The following DNAH17 variants were observed in gnomAD, a reference collection of about 807,000 sequenced individuals.
The protein encoded by DNAH17 is axonemal beta dynein heavy chain 17.
Under a neutral mutation model 485.6 loss-of-function variants are expected in DNAH17, and 376 were observed. The ratio of observed to expected loss-of-function variants is 0.77; its 90% confidence interval spans 0.71 to 0.84. DNAH17 has a LOEUF of 0.84. Among genes scored for constraint, DNAH17 ranks in the 40% least tolerant of loss-of-function variants. The probability of loss-of-function intolerance (pLI) is 0.00; values close to 1 mark genes in which losing one functional copy is unlikely to be tolerated. For synonymous variants in DNAH17, 3,031 were observed against 2,405.9 expected (o/e 1.26, Z -7.60); for missense variants, 6,370 against 5,839.3 (o/e 1.09, Z -2.96).
At chr17:78,493,727 G>A (rs2089957053) in intron 41 of DNAH17, among the ~76,000 whole-genome samples, 1 of 152,252 alleles carries the variant, frequency 6.6e-6, no homozygotes. Flanking sequence ...TGACAGGAGG[G>A]CGATGGGTTG....
chr17:78,428,840 C>T, intron 76 of DNAH17, 133 bp from the exon 77 acceptor site: 1 of 1,182,022 alleles, frequency 8.5e-7, no homozygotes, highest in Non-Finnish European at 1.2e-6. Context: ...TGTTTCCCAG[C>T]CCCCTTTGTG....
At position 78,449,485 on chromosome 17, in the gene DNAH17, C is replaced by T. The variant is rs151093068; in HGVS notation, c.11140G>A (p.Val3714Ile). The change falls in exon 69 of 81, where the codon GTC becomes ATC. Residue 3714 changes from valine to isoleucine, a missense_variant. Coordinates refer to ENST00000389840, the MANE Select transcript of DNAH17 (RefSeq NM_173628.4). ...INLTDEITYS[V>I]YMYTARGLFE... is the part of the protein sequence containing the mutation. ...AGTCCCCGGGCCGTGTACATGTAGA[C>T]GGAGTAGGTGATCTCGTCCGTCAGG... The T allele has an allele frequency of 1.9e-5, 30 of 1,571,788 alleles. No individual in the cohort carries two copies. Among genetic ancestry groups the T allele is most frequent in the South Asian group, 1.3e-4 (11 of 85,550 alleles).
intron 60 of DNAH17, 129 bp from the exon 61 acceptor site, chr17:78,459,337 G>A (rs1859398282): frequency 3.3e-6 from 3 of 915,218 alleles, no homozygotes; most frequent in Non-Finnish European, 5.2e-6. Flanking sequence ...CACACAGTCA[G>A]GCTGGCCCTA....
intron 77 of DNAH17, 39 bp downstream of exon 77, chr17:78,428,486 C>T (rs1236877016): frequency 1.3e-6 from 2 of 1,557,190 alleles, no homozygotes; most frequent in East Asian, 2.4e-5. Context: ...CTAGATCCTC[C>T]CCCTTCCTCT....
At chr17:78,500,602 G>C (rs1374782475) in intron 35 of DNAH17, 141 bp from the exon 36 acceptor site, 15 of 756,946 alleles carry the variant, frequency 2.0e-5, no homozygotes. Context: ...TCTGCCTCCT[G>C]GGTTCAAATG....
rs747239210 is a variant in DNAH17, at chr17:78,480,790, A to AG, written c.7650-5dup. ...CGTCAGCTTATGTCTGTCATACCTG[A>AG]GGGGGGAAACCAGCATTCATGTTGT... On this transcript the variant is annotated splice_region_variant and splice_polypyrimidine_tract_variant and intron_variant, in intron 48 of 80. Coordinates refer to ENST00000389840, the MANE Select transcript of DNAH17 (RefSeq NM_173628.4). The AG allele has an allele frequency of 6.8e-6, 11 of 1,609,038 alleles. No homozygotes were observed. The Admixed American group carries it at 8.4e-5, about 12-fold the overall frequency.
intron 31 of DNAH17, among the ~76,000 whole-genome samples, chr17:78,504,829 G>A (rs1283861844): frequency 6.7e-6 from 1 of 149,434 alleles, no homozygotes; most frequent in Non-Finnish European, 1.5e-5. Context: ...TCAGAGATGT[G>A]CAACCCCTTT....
In DNAH17 at chr17:78,454,567, G is replaced by A. The variant is rs763820523; in HGVS notation, c.10309C>T (p.Arg3437Trp). The change falls in exon 64 of 81, where the codon CGG becomes TGG. Residue 3437 changes from arginine to tryptophan, a missense_variant. By Grantham distance (101) the Arg-to-Trp change is moderately radical (BLOSUM62 -3). Coordinates refer to ENST00000389840, the MANE Select transcript of DNAH17 (RefSeq NM_173628.4). ...ENATILGNTE[R>W]WPLIVDAQLQ... ...TGGGCGTCCACGATCAGCGGCCACCGCTCGGTGTTGCCCAGGATGGTGGCA... is the reference window on the plus strand; with the variant it reads ...TGGGCGTCCACGATCAGCGGCCACCACTCGGTGTTGCCCAGGATGGTGGCA... 2.5e-6 allele frequency: 4 copies of A among 1,612,932 alleles called. No individual in the cohort carries two copies. Among genetic ancestry groups the A allele is most frequent in the Admixed American group, 1.7e-5 (1 of 59,960 alleles).
Position 78,494,695 on chromosome 17 carries a change from G to A in DNAH17, c.6168C>T (p.Ile2056=). ...VLMRALRDFN[I]PKIVTDDLPV... ...GCAGGTCGTCTGTCACAATCTTGGGGATGTTGAAGTCTCTCAGCGCCCGCA... is the reference window on the plus strand; with the variant it reads ...GCAGGTCGTCTGTCACAATCTTGGGAATGTTGAAGTCTCTCAGCGCCCGCA... The change falls in exon 40 of 81, where the codon ATC becomes ATT. Residue 2056 remains isoleucine, a synonymous_variant. Coordinates refer to ENST00000389840, the MANE Select transcript of DNAH17 (RefSeq NM_173628.4). The A allele has an allele frequency of 6.2e-7, 1 of 1,613,952 alleles. No homozygotes were observed. Among genetic ancestry groups the A allele is most frequent in the Non-Finnish European group, 8.5e-7 (1 of 1,179,898 alleles).
At chr17:78,487,970 TA>T (rs2146657178) in intron 44 of DNAH17, among the ~76,000 whole-genome samples, 2 of 152,350 alleles carry the variant, frequency 1.3e-5, no homozygotes, top group Admixed American at 1.3e-4. Flanking sequence ...TCTATGTCCC[TA>T]AGCGAATCAG....
intron 16 of DNAH17, among the ~76,000 whole-genome samples, chr17:78,547,317 A>G (rs2143522998): frequency 6.6e-6 from 1 of 152,304 alleles, no homozygotes; most frequent in Admixed American, 6.5e-5. Flanking sequence ...TTACTGCTGC[A>G]TTCACAGATA....
chr17:78,453,316 C>T (rs565631465), intron 65 of DNAH17, 27 bp downstream of exon 65: 7 of 1,609,648 alleles, frequency 4.3e-6, no homozygotes, highest in South Asian at 2.2e-5. Flanking sequence ...TTACCTGGCT[C>T]AAGCCACGGA....
In DNAH17 at chr17:78,526,915, C is replaced by A; in HGVS notation, c.3589G>T (p.Val1197Phe). 6.3e-7 allele frequency: 1 copy of A among 1,583,466 alleles called. No individual in the cohort carries two copies. The highest frequency in any genetic ancestry group is 8.6e-7 in the Non-Finnish European group (1 of 1,164,474). The part of the protein sequence containing the change: ...LTVAPLQANE[V>F]SILRRKCQQF... ...TGGCATTTCCGCCGCAGGATGCTGA[C>A]CTCGTTGGCCTGGAGTGGTGCCACG... Residue 1197 changes from valine (V) to phenylalanine (F), a missense_variant, in exon 23 of 81, where the codon GTC (valine) becomes TTC (phenylalanine). Transcript: ENST00000389840.
intron 54 of DNAH17, among the ~76,000 whole-genome samples, chr17:78,473,205 T>C (rs191571715): frequency 6.6e-6 from 1 of 152,316 alleles, no homozygotes; most frequent in Admixed American, 6.5e-5. Context: ...CTTATAGCCC[T>C]GTTTACCTCT....
At chr17:78,491,640 C>T in intron 42 of DNAH17, 70 bp from the exon 43 acceptor site, 1 of 1,545,340 alleles carries the variant, frequency 6.5e-7, no homozygotes, top group Non-Finnish European at 8.7e-7. Flanking sequence ...CCAGTCCTGA[C>T]CCTGGCCTCT....
chr17:78,484,897 G>A lies in DNAH17; in HGVS notation c.7620C>T (p.Leu2540=), dbSNP rs1180298448. ...GCCGGTGGTCCATGTGCTGCCGGAT[G>A]AGGGTGTGCGGGGCCACCGTCCCAT... ...DKYGTVAPHT[L]IRQHMDHRHW... is the part of the protein sequence containing the mutation. Residue 2540 remains leucine, a synonymous_variant, in exon 48 of 81, where the codon CTC becomes CTT. Transcript: ENST00000389840. The A allele has an allele frequency of 4.4e-6, 7 of 1,584,784 alleles. No individual in the cohort carries two copies. Among genetic ancestry groups the A allele is most frequent in the Non-Finnish European group, 6.0e-6 (7 of 1,165,340 alleles).
In DNAH17 at chr17:78,514,968, C is replaced by T. The variant is rs934851324; in HGVS notation, c.3919G>A (p.Glu1307Lys). 1.5e-5 allele frequency: 24 copies of T among 1,613,914 alleles called. No individual in the cohort carries two copies. The highest frequency in any genetic ancestry group is 5.3e-5 in the African/African-American group (4 of 74,948). Residue 1307 changes from glutamate to lysine, a missense_variant, in exon 26 of 81, where the codon GAG becomes AAG. Transcript: ENST00000389840. ...TTCTTACAATCTATGTCCATCTGCT[C>T]AACGTTGATATCTTTCCACTTGGTG... ...KTTKWKDINV[E>K]QMDIDCKKFA...
intron 75 of DNAH17, among the ~76,000 whole-genome samples, chr17:78,432,028 A>C (rs2086693283): frequency 6.6e-6 from 1 of 151,414 alleles, no homozygotes; most frequent in South Asian, 2.1e-4. Context: ...CAAAACAAAA[A>C]CAAAAAAAAC....
chr17:78,560,704 G>T, intron 13 of DNAH17, 36 bp downstream of exon 13: 1 of 1,515,698 alleles, frequency 6.6e-7, no homozygotes. Flanking sequence ...CCGCTCCCAA[G>T]GAGCCTTTGA....
Sources: gnomAD v4.1 joint callset for allele counts (sites outside exome capture counted in the v4.1 genomes callset) on GRCh38, gnomAD v4.1.1 for gene constraint, MANE v1.5 for transcripts, NCBI Gene and HGNC (gene_info 2026-07-23, HGNC 2026-07-21) for gene names.